Variants in CMYA5 observed in about 807,000 individuals in gnomAD.
CMYA5 encodes cardiomyopathy-associated protein 5.
CMYA5 carries 246 observed loss-of-function variants against 318.9 expected under a neutral mutation model. The ratio of observed to expected loss-of-function variants is 0.77; its 90% CI spans 0.70 to 0.86. The LOEUF (loss-of-function observed/expected upper bound fraction) is 0.86, where lower values mean the gene tolerates loss of function less well. CMYA5 is among the 40% of genes least tolerant of loss of function. The pLI is 0.00. For missense variants in CMYA5, 4,589 were observed against 4,678.2 expected (o/e 0.98, Z 0.56); for synonymous variants, 1,641 against 1,729.5 (o/e 0.95, Z 1.27).
chr5:79,695,080 A>C (rs1827041081), intron 1 of CMYA5, among the ~76,000 whole-genome samples: 1 of 152,190 alleles, frequency 6.6e-6, no homozygotes. Context: ...ATACTGATAA[A>C]ATTTTACACA....
rs764888673 is a variant in CMYA5, at chr5:79,735,663, G to A, written c.6898G>A (p.Glu2300Lys). The A allele has an allele frequency of 7.4e-6, 12 of 1,613,058 alleles. No individual in the cohort carries two copies. In the South Asian group the frequency reaches 1.3e-4, roughly 18 times the overall value. The change falls in exon 2 of 13, where the codon GAA (glutamate) becomes AAA (lysine). Residue 2300 changes from glutamate to lysine, a missense_variant. Around this residue, in one of 3 missense-constraint regions of CMYA5, gnomAD observed 2,431 missense variants for 2,495.1 expected, o/e 0.97. Coordinates refer to ENST00000446378, the MANE Select transcript of CMYA5 (RefSeq NM_153610.5). ...AAAAGAAATCTCAGGCGATTCAGAG[G>A]AAATGAACATAAACTCAGTAGTTAC... ...GKKEISGDSE[E>K]MNINSVVTSA...
intron 9 of CMYA5, 128 bp downstream of exon 9, chr5:79,763,337 C>A: frequency 1.2e-6 from 1 of 804,956 alleles, no homozygotes; most frequent in Non-Finnish European, 1.9e-6. Context: ...GCTAATGAAG[C>A]CGCTGACTTG....
At chr5:79,695,107 C>G (rs1024766852) in intron 1 of CMYA5, among the ~76,000 whole-genome samples, 1 of 152,138 alleles carries the variant, frequency 6.6e-6, no homozygotes, top group African/African-American at 2.4e-5. Flanking sequence ...AGTCCATAGT[C>G]CCTGGATATT....
At chr5:79,747,424 A>G (rs532979237) in intron 5 of CMYA5, among the ~76,000 whole-genome samples, 2 of 152,364 alleles carry the variant, frequency 1.3e-5, no homozygotes, top group East Asian at 1.9e-4. Flanking sequence ...GTAGATGCTT[A>G]GATGCATTGG....
At chr5:79,796,207 C>T (rs1186585109) in intron 12 of CMYA5, among the ~76,000 whole-genome samples, 7 of 152,080 alleles carry the variant, frequency 4.6e-5, no homozygotes, top group African/African-American at 9.7e-5. Flanking sequence ...TCCAGACCAG[C>T]GTTATGCAAT....
In CMYA5 at chr5:79,799,637, C is replaced by T; in HGVS notation, c.*21C>T. On this transcript the variant is annotated 3_prime_UTR_variant, in exon 13 of 13. Transcript: ENST00000446378. ...AGTGATCCTTGGCTTTCAGAATTTG[C>T]AAGAACAGCGATTTGAATTTTGGGG... 6.3e-7 allele frequency: 1 copy of T among 1,594,206 alleles called. No individual in the cohort carries two copies. Among genetic ancestry groups the T allele is most frequent in the Non-Finnish European group, 8.6e-7 (1 of 1,166,810 alleles).
Position 79,799,535 on chromosome 5 carries a change from C to T in CMYA5, c.12129C>T (p.His4043=). Reference sequence around the variant, plus strand: ...GGCACAGGTTTAATGAGGGTGTCCACCCTGCCTTTGCCCTGGAGAAACCTG... The same window carrying T: ...GGCACAGGTTTAATGAGGGTGTCCATCCTGCCTTTGCCCTGGAGAAACCTG... ...IIRHRFNEGV[H]PAFALEKPGK... is the part of the protein sequence containing the mutation. Residue 4043 remains histidine, a synonymous_variant, in exon 13 of 13, where the codon CAC becomes CAT. Transcript: ENST00000446378. The T allele has an allele frequency of 1.9e-6, 3 of 1,613,960 alleles. No homozygotes were observed. The highest frequency in any genetic ancestry group is 2.5e-6 in the Non-Finnish European group (3 of 1,179,886).
At chr5:79,726,133 C>T (rs558975253) in intron 1 of CMYA5, among the ~76,000 whole-genome samples, 3 of 152,314 alleles carry the variant, frequency 2.0e-5, no homozygotes, top group African/African-American at 7.2e-5. Flanking sequence ...GCTCTCCTGT[C>T]TTGTGACCAC....
intron 1 of CMYA5, among the ~76,000 whole-genome samples, chr5:79,707,663 G>A (rs866161829): frequency 6.6e-6 from 1 of 152,114 alleles, no homozygotes; most frequent in Admixed American, 6.6e-5. Flanking sequence ...AGTATGACAC[G>A]AGATGTTTTA....
chr5:79,743,264 C>A (rs918547633), intron 2 of CMYA5, among the ~76,000 whole-genome samples: 11 of 152,146 alleles, frequency 7.2e-5, no homozygotes, highest in Admixed American at 7.2e-4. Context: ...TCACCCCATA[C>A]GTTTTCTAGT....
chr5:79,791,713 CAA>C (rs61063837), intron 11 of CMYA5, among the ~76,000 whole-genome samples: 2,816 of 91,968 alleles, frequency 0.031, 40 homozygotes, highest in South Asian at 0.079. Context: ...GACTCTGTCT[CAA>C]AAAAAAAAAA....
At chr5:79,698,224 G>A (rs191530241) in intron 1 of CMYA5, among the ~76,000 whole-genome samples, 1 of 152,066 alleles carries the variant, frequency 6.6e-6, no homozygotes, top group South Asian at 2.1e-4. Context: ...AATTTTGGGA[G>A]CTCCAAGAAG....
intron 9 of CMYA5, 89 bp downstream of exon 9, chr5:79,763,298 G>A: frequency 8.4e-7 from 1 of 1,184,614 alleles, no homozygotes; most frequent in Non-Finnish European, 1.2e-6. Context: ...TGCTCACCAA[G>A]GGAGAAATGC....
At position 79,734,219 on chromosome 5, in the gene CMYA5, T is replaced by C; in HGVS notation, c.5454T>C (p.Leu1818=). The C allele has an allele frequency of 6.2e-7, 1 of 1,613,716 alleles. No homozygotes were observed. Among genetic ancestry groups the C allele is most frequent in the Non-Finnish European group, 8.5e-7 (1 of 1,179,788 alleles). Residue 1818 remains leucine, a synonymous_variant, in exon 2 of 13, where the codon CTT becomes CTC. Coordinates refer to ENST00000446378, the MANE Select transcript of CMYA5 (RefSeq NM_153610.5). ...EPSKIAPSDL[L]VEQKKTEKAL... Reference sequence around the variant, plus strand: ...CAAAGATTGCTCCTTCTGACCTCCTTGTAGAACAAAAAAAGACAGAAAAAG... The same window carrying C: ...CAAAGATTGCTCCTTCTGACCTCCTCGTAGAACAAAAAAAGACAGAAAAAG...
At position 79,731,456 on chromosome 5, in the gene CMYA5, T is replaced by C; in HGVS notation, c.2691T>C (p.Ser897=). 6.2e-7 allele frequency: 1 copy of C among 1,610,046 alleles called. No individual in the cohort carries two copies. Among genetic ancestry groups the C allele is most frequent in the Non-Finnish European group, 8.5e-7 (1 of 1,177,604 alleles). ...AGTTGGAACGATACACACCCTCTTC[T>C]ACATCTGCTTCTGAATTTTCAGTAC... ...AVELERYTPS[S]TSASEFSVPP... The change falls in exon 2 of 13, where the codon TCT becomes TCC. Residue 897 remains serine (S), a synonymous_variant. Transcript: ENST00000446378.
chr5:79,774,495 T>A (rs944320106), intron 9 of CMYA5: 1 of 152,292 alleles, frequency 6.6e-6, no homozygotes, highest in African/African-American at 2.4e-5. Context: ...GAGGGAAAAC[T>A]GAGAGAAATA....
chr5:79,714,693 G>T (rs1163455851), intron 1 of CMYA5, among the ~76,000 whole-genome samples: 1 of 151,984 alleles, frequency 6.6e-6, no homozygotes, highest in African/African-American at 2.4e-5. Context: ...TCCTGACTTG[G>T]CCTCCCAAAG....
chr5:79,753,365 G>A (rs999475475), intron 6 of CMYA5, among the ~76,000 whole-genome samples: 3 of 152,098 alleles, frequency 2.0e-5, no homozygotes, highest in Admixed American at 2.0e-4. Flanking sequence ...TAACAAACAG[G>A]ACAATGAAAC....
chr5:79,742,159 T>C (rs1561215702), intron 2 of CMYA5, among the ~76,000 whole-genome samples: 2 of 141,096 alleles, frequency 1.4e-5, no homozygotes, highest in African/African-American at 5.2e-5. Context: ...CCTCTTCCTT[T>C]CCCCCCTCCT....
Sources: gnomAD v4.1 joint callset for allele counts (sites outside exome capture counted in the v4.1 genomes callset) on GRCh38, gnomAD v4.1.1 for gene constraint, gnomAD v4.1.1 regional missense constraint, MANE v1.5 for transcripts, NCBI Gene and HGNC (gene_info 2026-07-23, HGNC 2026-07-21) for gene names.